The following KCND2 variants were observed in gnomAD, a reference collection of about 807,000 sequenced individuals.
KCND2 encodes the protein potassium voltage-gated channel subfamily D member 2.
KCND2 carries 16 observed loss-of-function variants against 54.4 expected under a neutral mutation model. The observed-to-expected ratio is 0.29, with a 90% CI of 0.20 to 0.45. The LOEUF is 0.45. Ranked by LOEUF, KCND2 falls within the 20% of genes least tolerant of loss-of-function variation. The pLI is 1.00. For missense variants in KCND2, 486 were observed against 824.2 expected (o/e 0.59, Z 5.02); for synonymous variants, 317 against 310.7 (o/e 1.02, Z -0.21).
At chr7:120,617,268 G>C (rs1158994062) in intron 1 of KCND2, among the ~76,000 whole-genome samples, 1 of 152,084 alleles carries the variant, frequency 6.6e-6, no homozygotes, top group Non-Finnish European at 1.5e-5. Flanking sequence ...ATGTCTTAGA[G>C]TGAAATTATA....
intron 1 of KCND2, among the ~76,000 whole-genome samples, chr7:120,313,180 A>G (rs1799764385): frequency 6.6e-6 from 1 of 152,342 alleles, no homozygotes; most frequent in African/African-American, 2.4e-5. Flanking sequence ...CTGGCTTGCC[A>G]TAAAAGTTGT....
chr7:120,378,745 C>T (rs1051824467), intron 1 of KCND2, among the ~76,000 whole-genome samples: 5 of 151,848 alleles, frequency 3.3e-5, no homozygotes, highest in Admixed American at 2.6e-4. Flanking sequence ...TTCAAAAATG[C>T]CAACATCTCA....
At chr7:120,647,176 T>C (rs1359461121) in intron 1 of KCND2, among the ~76,000 whole-genome samples, 2 of 152,230 alleles carry the variant, frequency 1.3e-5, no homozygotes, top group Admixed American at 1.3e-4. Flanking sequence ...ATTGATCGAA[T>C]GTATTTGAAT....
chr7:120,347,437 G>A (rs1800336469), intron 1 of KCND2, among the ~76,000 whole-genome samples: 1 of 152,104 alleles, frequency 6.6e-6, no homozygotes, highest in African/African-American at 2.4e-5. Context: ...ATCTCAAGAA[G>A]GAAGCGCTCA....
intron 1 of KCND2, among the ~76,000 whole-genome samples, chr7:120,600,579 A>G (rs576281278): frequency 2.0e-5 from 3 of 152,180 alleles, no homozygotes; most frequent in Admixed American, 1.3e-4. Flanking sequence ...GAAAGCCAAC[A>G]GACTGTGAAA....
chr7:120,357,749 T>G (rs931445020), intron 1 of KCND2, among the ~76,000 whole-genome samples: 1 of 152,032 alleles, frequency 6.6e-6, no homozygotes, highest in Admixed American at 6.6e-5. Flanking sequence ...CACCAGCTGG[T>G]TTGGTTTCTC....
chr7:120,635,456 A>G (rs1295645387), intron 1 of KCND2, among the ~76,000 whole-genome samples: 1 of 152,208 alleles, frequency 6.6e-6, no homozygotes, highest in Non-Finnish European at 1.5e-5. Flanking sequence ...TTTAGATGCA[A>G]TAAGAATATT....
chr7:120,294,805 G>A (rs571035029), intron 1 of KCND2, among the ~76,000 whole-genome samples: 2 of 151,674 alleles, frequency 1.3e-5, no homozygotes, highest in African/African-American at 4.8e-5. Context: ...TCTATATAAA[G>A]ATATGTACAT....
chr7:120,734,481 G>A (rs1792846991), intron 2 of KCND2, among the ~76,000 whole-genome samples: 1 of 152,054 alleles, frequency 6.6e-6, no homozygotes, highest in Non-Finnish European at 1.5e-5. Context: ...TTAAGTTGGA[G>A]ATCCACCATT....
intron 1 of KCND2, among the ~76,000 whole-genome samples, chr7:120,481,157 G>A (rs528946033): frequency 2.0e-5 from 3 of 152,296 alleles, no homozygotes; most frequent in Admixed American, 2.0e-4. Flanking sequence ...TGAAGTAAAA[G>A]CTATCCTTGT....
intron 1 of KCND2, among the ~76,000 whole-genome samples, chr7:120,582,201 A>G (rs1187987988): frequency 2.6e-5 from 4 of 152,058 alleles, no homozygotes; most frequent in African/African-American, 9.7e-5. Flanking sequence ...CAGCAGTGTT[A>G]ATCACTTCCT....
intron 1 of KCND2, among the ~76,000 whole-genome samples, chr7:120,546,910 A>G (rs1792048940): frequency 6.6e-6 from 1 of 151,878 alleles, no homozygotes; most frequent in Non-Finnish European, 1.5e-5. Context: ...CTTGTCTTTA[A>G]AAATTGTGCT....
At chr7:120,377,437 C>G (rs1180254892) in intron 1 of KCND2, among the ~76,000 whole-genome samples, 4 of 151,732 alleles carry the variant, frequency 2.6e-5, no homozygotes, top group Non-Finnish European at 4.4e-5. Flanking sequence ...ACTTCTTGAA[C>G]AGATTTCTAA....
At chr7:120,328,685 A>G (rs1212629570) in intron 1 of KCND2, among the ~76,000 whole-genome samples, 1 of 152,188 alleles carries the variant, frequency 6.6e-6, no homozygotes, top group Non-Finnish European at 1.5e-5. Flanking sequence ...TTTCTGATCT[A>G]CAGGTAACTT....
intron 1 of KCND2, among the ~76,000 whole-genome samples, chr7:120,465,751 G>A (rs554062336): frequency 3.3e-5 from 5 of 152,262 alleles, no homozygotes; most frequent in African/African-American, 1.2e-4. Context: ...ACTAAATGAT[G>A]TGAGCATCAC....
rs377443226 is a variant in KCND2, at chr7:120,297,838, A to G, written c.1115+22091A>G. Among the ~76,000 whole-genome samples, 4 of 152,244 alleles carry G rather than the reference A, an allele frequency of 2.6e-5. No homozygotes were observed. In the East Asian group the frequency reaches 5.8e-4, roughly 22 times the overall value. ...TTCTGTTGAGTAAAAGTCATTGTAA[A>G]TAATATTAACTTTGCATTTTTAAAT... is the stretch of plus-strand genomic sequence containing the variant. On this transcript the variant is annotated intron_variant, in intron 1 of 5. Transcript: ENST00000331113.
intron 1 of KCND2, among the ~76,000 whole-genome samples, chr7:120,471,698 A>G (rs547443851): frequency 6.6e-6 from 1 of 152,220 alleles, no homozygotes; most frequent in East Asian, 1.9e-4. Context: ...TGATGACAAT[A>G]TTACATTATT....
At chr7:120,452,482 G>A in intron 1 of KCND2, among the ~76,000 whole-genome samples, 1 of 152,164 alleles carries the variant, frequency 6.6e-6, no homozygotes, top group East Asian at 1.9e-4. Flanking sequence ...ACTGGGAGTG[G>A]ACAGAGGGAG....
intron 1 of KCND2, among the ~76,000 whole-genome samples, chr7:120,288,632 C>T (rs1042539688): frequency 6.6e-6 from 1 of 151,904 alleles, no homozygotes; most frequent in Non-Finnish European, 1.5e-5. Context: ...TCATGAGGTC[C>T]AGGTGTAATG....
Sources: gnomAD v4.1 joint callset for allele counts (sites outside exome capture counted in the v4.1 genomes callset) on GRCh38, gnomAD v4.1.1 for gene constraint, MANE v1.5 for transcripts, NCBI Gene and HGNC (gene_info 2026-07-23, HGNC 2026-07-21) for gene names.